NKAIN2: variants seen among roughly 807,000 people sequenced by gnomAD.
NKAIN2 encodes sodium/potassium-transporting ATPase subunit beta-1-interacting protein 2.
In NKAIN2, 14 loss-of-function variants were observed where a neutral mutation model predicts 32.6. The ratio of observed to expected loss-of-function variants is 0.43; its 90% CI spans 0.28 to 0.67. The LOEUF (loss-of-function observed/expected upper bound fraction) is 0.67, where lower values mean the gene tolerates loss of function less well. Among genes scored for constraint, NKAIN2 ranks in the 30% least tolerant of loss-of-function variants. NKAIN2 has a pLI of 0.17. For missense variants in NKAIN2, 198 were observed against 258.3 expected (o/e 0.77, Z 1.60); for synonymous variants, 80 against 87.2 (o/e 0.92, Z 0.46).
intron 3 of NKAIN2, among the ~76,000 whole-genome samples, chr6:124,389,566 A>C (rs899331637): frequency 6.6e-6 from 1 of 152,076 alleles, no homozygotes; most frequent in Non-Finnish European, 1.5e-5. Context: ...GGAACCTAAT[A>C]AAGCCCTGAG....
chr6:123,924,314 A>G (rs1210279421), intron 1 of NKAIN2, among the ~76,000 whole-genome samples: 5 of 152,200 alleles, frequency 3.3e-5, no homozygotes, highest in Non-Finnish European at 1.5e-5. Context: ...TGGTATAAGC[A>G]GCCATTTTAA....
At chr6:124,408,347 T>A (rs1773970386) in intron 3 of NKAIN2, among the ~76,000 whole-genome samples, 1 of 152,344 alleles carries the variant, frequency 6.6e-6, no homozygotes, top group Admixed American at 6.5e-5. Context: ...ATGTAAGTCT[T>A]TAATCCATCT....
At chr6:123,872,732 CTCTTAAA>C (rs1772958828) in intron 1 of NKAIN2, among the ~76,000 whole-genome samples, 1 of 152,164 alleles carries the variant, frequency 6.6e-6, no homozygotes, top group African/African-American at 2.4e-5. Context: ...GCACTCATTG[CTCTTAAA>C]TCACTTGGCT....
intron 3 of NKAIN2, among the ~76,000 whole-genome samples, chr6:124,510,372 C>T (rs947602564): frequency 6.6e-6 from 1 of 151,876 alleles, no homozygotes; most frequent in African/African-American, 2.4e-5. Context: ...TTTCTTTAAA[C>T]AAAACCTTTA....
intron 1 of NKAIN2, among the ~76,000 whole-genome samples, chr6:124,038,762 T>A (rs1462069457): frequency 6.6e-6 from 1 of 152,144 alleles, no homozygotes; most frequent in Non-Finnish European, 1.5e-5. Flanking sequence ...TAATGAAATA[T>A]ACCCAAGAAG....
chr6:124,139,335 G>T (rs1049959336), intron 1 of NKAIN2, among the ~76,000 whole-genome samples: 1 of 151,020 alleles, frequency 6.6e-6, no homozygotes, highest in Non-Finnish European at 1.5e-5. Context: ...TGATCCACCC[G>T]CCTCGGCCTC....
chr6:124,567,430 C>T (rs1392002958), intron 3 of NKAIN2, among the ~76,000 whole-genome samples: 3 of 152,184 alleles, frequency 2.0e-5, no homozygotes, highest in Non-Finnish European at 2.9e-5. Context: ...CTGTGTTCAT[C>T]GCATTTATCT....
At chr6:123,879,141 T>C (rs1246862388) in intron 1 of NKAIN2, among the ~76,000 whole-genome samples, 2 of 152,218 alleles carry the variant, frequency 1.3e-5, no homozygotes, top group Non-Finnish European at 2.9e-5. Context: ...TTCTAGGCAT[T>C]GTCATGCTTC....
At chr6:124,578,938 G>C (rs1257032835) in intron 3 of NKAIN2, among the ~76,000 whole-genome samples, 1 of 152,164 alleles carries the variant, frequency 6.6e-6, no homozygotes, top group Admixed American at 6.5e-5. Flanking sequence ...GAGAATAAGA[G>C]TCTGTGCCTG....
intron 3 of NKAIN2, among the ~76,000 whole-genome samples, chr6:124,633,910 C>T (rs981775559): frequency 2.2e-4 from 33 of 151,968 alleles, no homozygotes; most frequent in African/African-American, 7.5e-4. Context: ...TTTTCAGCAA[C>T]GCTTCCCCAG....
At chr6:124,357,605 A>C (rs1799047523) in intron 3 of NKAIN2, among the ~76,000 whole-genome samples, 1 of 152,182 alleles carries the variant, frequency 6.6e-6, no homozygotes, top group African/African-American at 2.4e-5. Context: ...TTTGTGAAAA[A>C]GAATCAGGGT....
At chr6:124,432,020 C>T (rs1223790675) in intron 3 of NKAIN2, among the ~76,000 whole-genome samples, 2 of 152,158 alleles carry the variant, frequency 1.3e-5, no homozygotes, top group Non-Finnish European at 2.9e-5. Flanking sequence ...TTTAGAAATA[C>T]ACAAACTTTG....
chr6:124,056,652 A>T (rs1425294469), intron 1 of NKAIN2, among the ~76,000 whole-genome samples: 1 of 152,058 alleles, frequency 6.6e-6, no homozygotes, highest in African/African-American at 2.4e-5. Context: ...ACACGTTGCC[A>T]CTTTAAATAA....
At chr6:124,250,131 C>T (rs1260914442) in intron 1 of NKAIN2, among the ~76,000 whole-genome samples, 1 of 152,052 alleles carries the variant, frequency 6.6e-6, no homozygotes, top group East Asian at 1.9e-4. Context: ...CTGTTTCCAC[C>T]ATGTGAGATT....
At chr6:124,645,088 T>C (rs549107956) in intron 3 of NKAIN2, among the ~76,000 whole-genome samples, 4 of 152,320 alleles carry the variant, frequency 2.6e-5, no homozygotes, top group African/African-American at 9.6e-5. Context: ...CAAATTGATG[T>C]TAAAGAATTA....
intron 2 of NKAIN2, among the ~76,000 whole-genome samples, chr6:124,305,747 T>C (rs1796482539): frequency 6.6e-6 from 1 of 152,196 alleles, no homozygotes; most frequent in South Asian, 2.1e-4. Context: ...CTTTTAGACA[T>C]TTTCTTGCTG....
intron 1 of NKAIN2, among the ~76,000 whole-genome samples, chr6:124,215,199 T>C (rs721376): frequency 0.58 from 87,676 of 151,912 alleles, 27,858 homozygotes; most frequent in South Asian, 0.72. Flanking sequence ...ATTTTAAAAA[T>C]CAATAGAACA....
intron 1 of NKAIN2, among the ~76,000 whole-genome samples, chr6:123,809,571 T>C (rs896761565): frequency 2.6e-5 from 4 of 152,196 alleles, no homozygotes; most frequent in African/African-American, 7.2e-5. Flanking sequence ...AGTTCATATT[T>C]TGTAATACTG....
At chr6:124,738,039 A>T (rs1776178609) in intron 4 of NKAIN2, among the ~76,000 whole-genome samples, 2 of 151,958 alleles carry the variant, frequency 1.3e-5, no homozygotes, top group African/African-American at 2.4e-5. Context: ...AGCCAGCTAC[A>T]GAAATTTGCA....
Sources: allele counts gnomAD v4.1 joint callset (sites outside exome capture counted in the v4.1 genomes callset), GRCh38; gene constraint gnomAD v4.1.1; transcripts MANE v1.5; gene names NCBI Gene and HGNC (gene_info 2026-07-23, HGNC 2026-07-21).